Variants in NAALADL2 observed in about 807,000 individuals in gnomAD.
NAALADL2 encodes inactive N-acetylated-alpha-linked acidic dipeptidase-like protein 2.
In NAALADL2, 76 loss-of-function variants were observed where a neutral mutation model predicts 87.2. The ratio of observed to expected loss-of-function variants is 0.87; its 90% confidence interval spans 0.72 to 1.05. The LOEUF (loss-of-function observed/expected upper bound fraction) is 1.05. Among genes scored for constraint, NAALADL2 ranks in the 50% least tolerant of loss-of-function variants. The pLI is 0.00. For synonymous variants in NAALADL2, 354 were observed against 331.0 expected (o/e 1.07, Z -0.75); for missense variants, 1,089 against 945.8 (o/e 1.15, Z -1.99).
chr3:175,049,335 T>G (rs1755069203), intron 1 of NAALADL2, among the ~76,000 whole-genome samples: 1 of 152,188 alleles, frequency 6.6e-6, no homozygotes. Flanking sequence ...GGTGAGCTAT[T>G]TGAAATTTAT....
intron 5 of NAALADL2, among the ~76,000 whole-genome samples, chr3:175,353,932 A>G (rs550257776): frequency 3.8e-4 from 58 of 152,332 alleles, no homozygotes; most frequent in Non-Finnish European, 6.9e-4. Flanking sequence ...CAACAGCTGG[A>G]AGATTGACAT....
At chr3:175,147,460 A>G (rs1014901892) in intron 2 of NAALADL2, among the ~76,000 whole-genome samples, 12 of 152,058 alleles carry the variant, frequency 7.9e-5, no homozygotes, top group East Asian at 1.9e-4. Context: ...ATGACATATT[A>G]TGTACCACAT....
intron 2 of NAALADL2, among the ~76,000 whole-genome samples, chr3:174,613,433 A>T (rs1432093244): frequency 9.9e-6 from 1 of 101,048 alleles, no homozygotes; most frequent in Non-Finnish European, 1.8e-5. Context: ...GAGTAAAAAA[A>T]CCTTAGAAGT....
chr3:174,785,997 CAGGAA>C (rs1716593312), intron 3 of NAALADL2, among the ~76,000 whole-genome samples: 1 of 152,046 alleles, frequency 6.6e-6, no homozygotes, highest in African/African-American at 2.4e-5. Context: ...TGTAAAGGCA[CAGGAA>C]TTACATGATT....
At chr3:174,769,055 T>C (rs1370035723) in intron 3 of NAALADL2, among the ~76,000 whole-genome samples, 1 of 152,022 alleles carries the variant, frequency 6.6e-6, no homozygotes, top group Non-Finnish European at 1.5e-5. Context: ...ATAGAAGCAG[T>C]TAAATATATA....
chr3:174,575,414 T>C (rs1317972981), intron 2 of NAALADL2, among the ~76,000 whole-genome samples: 1 of 152,184 alleles, frequency 6.6e-6, no homozygotes, highest in Non-Finnish European at 1.5e-5. Flanking sequence ...TTTGACTATG[T>C]GACTACTCAG....
chr3:175,199,828 A>G lies in NAALADL2; in HGVS notation c.546-34103A>G, dbSNP rs1246655121. On this transcript the variant is annotated intron_variant, in intron 2 of 13. Transcript: ENST00000454872. ...GTGTAGGGGGGAAAGAAATATATAT[A>G]TATATATATATATATATATATATAT... 1.0e-3 allele frequency among the ~76,000 whole-genome samples: 8 copies of G among 7,760 alleles called. 1 individual carries two copies. Among genetic ancestry groups the G allele is most frequent in the African/African-American group, 4.4e-3 (8 of 1,826 alleles). 5.1% of individuals were successfully genotyped at this position (7,760 alleles called of 152,430 possible).
intron 5 of NAALADL2, among the ~76,000 whole-genome samples, chr3:175,427,147 G>C (rs536989522): frequency 6.6e-6 from 1 of 152,262 alleles, no homozygotes; most frequent in South Asian, 2.1e-4. Flanking sequence ...CTGTTCTTTA[G>C]TTACTTTTTA....
At chr3:174,866,280 C>G (rs1727133183) in intron 1 of NAALADL2, among the ~76,000 whole-genome samples, 1 of 151,736 alleles carries the variant, frequency 6.6e-6, no homozygotes, top group South Asian at 2.1e-4. Flanking sequence ...AAGGAAAATA[C>G]TATTATATAA....
chr3:174,915,215 A>G (rs145562737), intron 1 of NAALADL2, among the ~76,000 whole-genome samples: 50 of 152,222 alleles, frequency 3.3e-4, no homozygotes, highest in African/African-American at 1.2e-3. Context: ...GGGGAGGTGC[A>G]TTTTGAGGGA....
In NAALADL2 at chr3:175,324,141, A is replaced by T. The variant is rs765090784; in HGVS notation, c.940-34A>T. On this transcript the variant is annotated intron_variant, in intron 4 of 13. Coordinates refer to ENST00000454872, the MANE Select transcript of NAALADL2 (RefSeq NM_207015.3). Reference sequence around the variant, plus strand: ...ACTATATGAACTTTTAATGTGCATGATAATATTTTTAATAGCTTGCTTCCC... The same window carrying T: ...ACTATATGAACTTTTAATGTGCATGTTAATATTTTTAATAGCTTGCTTCCC... The T allele has an allele frequency of 3.1e-6, 5 of 1,600,650 alleles. No homozygotes were observed. The Admixed American group carries it at 8.5e-5, about 27-fold the overall frequency.
intron 1 of NAALADL2, among the ~76,000 whole-genome samples, chr3:174,922,468 T>A (rs529767487): frequency 6.6e-6 from 1 of 152,208 alleles, no homozygotes; most frequent in South Asian, 2.1e-4. Context: ...CACAGGGAAA[T>A]CTTCAAGACC....
Position 174,837,796 on chromosome 3 carries a change from A to G in NAALADL2, c.-9+100050A>G, listed in dbSNP as rs549728706. ...GTGATAGAGTGCGACTCTGTCTCAA[A>G]AAAAACAAACACAAAAACAAAATAC... On this transcript the variant is annotated intron_variant, in intron 3 of 3. Transcript: ENST00000434257. Among the ~76,000 whole-genome samples, 3 of 152,178 alleles carry G rather than the reference A, an allele frequency of 2.0e-5. No individual in the cohort carries two copies. In the East Asian group the frequency reaches 5.8e-4, roughly 30 times the overall value.
intron 9 of NAALADL2, among the ~76,000 whole-genome samples, chr3:175,509,957 T>G (rs1693588309): frequency 6.6e-6 from 1 of 152,098 alleles, no homozygotes; most frequent in African/African-American, 2.4e-5. Context: ...CCCATTAACT[T>G]GTCATTTAGC....
chr3:175,526,083 A>G (rs1441832151), intron 9 of NAALADL2, among the ~76,000 whole-genome samples: 1 of 152,208 alleles, frequency 6.6e-6, no homozygotes, highest in Non-Finnish European at 1.5e-5. Context: ...TTTAAAATGT[A>G]AAGTATCAGC....
At chr3:175,650,229 A>G (rs1730579053) in intron 11 of NAALADL2, among the ~76,000 whole-genome samples, 1 of 152,204 alleles carries the variant, frequency 6.6e-6, no homozygotes, top group Non-Finnish European at 1.5e-5. Flanking sequence ...AAGGTGACAT[A>G]TTGAATGATT....
intron 1 of NAALADL2, among the ~76,000 whole-genome samples, chr3:175,029,465 A>G (rs1311498037): frequency 6.6e-6 from 1 of 152,078 alleles, no homozygotes; most frequent in Non-Finnish European, 1.5e-5. Flanking sequence ...TCTCTGATCC[A>G]TCAGAGGGCT....
At chr3:175,332,513 C>G (rs182817512) in intron 5 of NAALADL2, among the ~76,000 whole-genome samples, 1 of 152,184 alleles carries the variant, frequency 6.6e-6, no homozygotes, top group Non-Finnish European at 1.5e-5. Context: ...GTTGCCCAGT[C>G]TAGTCTCAAC....
intron 5 of NAALADL2, among the ~76,000 whole-genome samples, chr3:175,402,921 C>A (rs1711584920): frequency 6.6e-6 from 1 of 152,110 alleles, no homozygotes; most frequent in Non-Finnish European, 1.5e-5. Context: ...ATATTCACAC[C>A]TCTTGCATTT....
Sources: allele counts gnomAD v4.1 joint callset (sites outside exome capture counted in the v4.1 genomes callset), GRCh38; gene constraint gnomAD v4.1.1; transcripts MANE v1.5; gene names NCBI Gene and HGNC (gene_info 2026-07-23, HGNC 2026-07-21).